Variants in MCOLN3 observed in about 807,000 individuals in gnomAD.
The protein encoded by MCOLN3 is mucolipin TRP cation channel 3.
MCOLN3 carries 62 observed loss-of-function variants against 69.4 expected under a neutral mutation model. The observed-to-expected ratio is 0.89, with a 90% CI of 0.73 to 1.10. The LOEUF (loss-of-function observed/expected upper bound fraction) is 1.10, where lower values mean the gene tolerates loss of function less well. MCOLN3 is among the 50% of genes least tolerant of loss of function. MCOLN3 has a pLI of 0.00. For missense variants in MCOLN3, 564 were observed against 656.4 expected, an observed-to-expected ratio of 0.86 and a Z score of 1.54; for synonymous variants, 183 against 217.0, an observed-to-expected ratio of 0.84 and a Z score of 1.38.
At chr1:85,040,117 C>CT (rs1374912290) in intron 3 of MCOLN3, among the ~76,000 whole-genome samples, 4 of 152,270 alleles carry the variant, frequency 2.6e-5, no homozygotes, top group African/African-American at 9.6e-5. Flanking sequence ...CTTCTTCCCC[C>CT]TACAAGCTGT....
At chr1:85,028,113 G>A (rs1478991138) in intron 7 of MCOLN3, among the ~76,000 whole-genome samples, 1 of 152,152 alleles carries the variant, frequency 6.6e-6, no homozygotes, top group African/African-American at 2.4e-5. Flanking sequence ...TGTTTGTGGA[G>A]AATGATTATA....
intron 3 of MCOLN3, among the ~76,000 whole-genome samples, chr1:85,040,337 T>C (rs1254730794): frequency 2.0e-5 from 3 of 152,226 alleles, no homozygotes; most frequent in Non-Finnish European, 4.4e-5. Context: ...AAAATTGTAA[T>C]AATTTTGAAA....
At chr1:85,033,936 T>C (rs1259944448) in intron 4 of MCOLN3, among the ~76,000 whole-genome samples, 162 bp downstream of exon 4, 2 of 152,188 alleles carry the variant, frequency 1.3e-5, no homozygotes, top group East Asian at 3.8e-4. Context: ...TGAGTTATAG[T>C]AAAGGGCTCA....
In MCOLN3 at chr1:85,034,117, G is replaced by A. The variant is rs770763920; in HGVS notation, c.531C>T (p.Ile177=). Residue 177 remains isoleucine, a synonymous_variant, in exon 4 of 13, where the codon ATC becomes ATT. Transcript: ENST00000370589. ...NIYPGNDTFD[I]DPEIETECFF... is the part of the protein sequence containing the mutation. ...CATCACCAGTTTCAATTTCTGGATC[G>A]ATGTCAAAGGTATCATTTCCAGGGT... 8.7e-6 allele frequency: 14 copies of A among 1,614,022 alleles called. No homozygotes were observed. Among genetic ancestry groups the A allele is most frequent in the East Asian group, 4.5e-5 (2 of 44,896 alleles).
intron 2 of MCOLN3, among the ~76,000 whole-genome samples, chr1:85,043,823 C>T (rs868188050): frequency 1.3e-5 from 2 of 151,616 alleles, no homozygotes; most frequent in South Asian, 2.1e-4. Flanking sequence ...TTGATATTGC[C>T]ACTGACTAGC....
rs1408683918 is a variant in MCOLN3 at position 85,048,447 on chromosome 1, A to C, written c.-54T>G. 3 of 152,010 alleles carry C rather than the reference A, an allele frequency of 2.0e-5. No individual in the cohort carries two copies. Among genetic ancestry groups the C allele is most frequent in the Admixed American group, 1.3e-4 (2 of 15,268 alleles). The allele number at this position is 152,010 out of a possible 1,614,324, so 9.4% of individuals were successfully genotyped here. A position where few individuals can be genotyped will look rare whatever the true frequency, so the allele number is the denominator to read the frequency against. On this transcript the variant is annotated 5_prime_UTR_variant, in exon 1 of 13. Coordinates refer to ENST00000370589, the MANE Select transcript of MCOLN3 (RefSeq NM_018298.11). ...GCTCCGGTGTCCGCGGCGAGGGCGCAGGGCGAGTCAGCGAGCGACTCCAGC... is the reference window on the plus strand; with the variant it reads ...GCTCCGGTGTCCGCGGCGAGGGCGCCGGGCGAGTCAGCGAGCGACTCCAGC...
chr1:85,031,900 G>A (rs949739759), intron 6 of MCOLN3, among the ~76,000 whole-genome samples: 25 of 118,014 alleles, frequency 2.1e-4, no homozygotes, highest in African/African-American at 5.3e-4. Flanking sequence ...GTGAAACCCC[G>A]TCTCTGCTAA....
In MCOLN3 at chr1:85,045,194, C is replaced by G. The variant is rs750842190; in HGVS notation, c.167G>C (p.Arg56Pro). 6.2e-7 allele frequency: 1 copy of G among 1,614,038 alleles called. No homozygotes were observed. The highest frequency in any genetic ancestry group is 1.7e-5 in the Admixed American group (1 of 60,018). The part of the protein sequence containing the change: ...FMNPCEKFWA[R>P]GRKPWKLAIQ... ...GGCAAGTTTCCATGGTTTTCTACCTCGAGCCCAGAACTTCTCACAGGGATT... is the reference window on the plus strand; with the variant it reads ...GGCAAGTTTCCATGGTTTTCTACCTGGAGCCCAGAACTTCTCACAGGGATT... The change falls in exon 2 of 13, where the codon CGA becomes CCA. Residue 56 changes from arginine (R) to proline (P), a missense_variant. By Grantham distance (103) the Arg-to-Pro change is moderately radical. Transcript: ENST00000370589.
chr1:85,037,933 C>A (rs1652874320), intron 3 of MCOLN3, among the ~76,000 whole-genome samples: 1 of 152,100 alleles, frequency 6.6e-6, no homozygotes, highest in Admixed American at 6.5e-5. Context: ...CCAGGTCAGC[C>A]TTTGAGTGGT....
chr1:85,041,022 G>A lies in MCOLN3; in HGVS notation c.384C>T (p.Phe128=), dbSNP rs765377765. Residue 128 remains phenylalanine (F), a synonymous_variant, in exon 3 of 13, where the codon TTC becomes TTT. Coordinates refer to ENST00000370589, the MANE Select transcript of MCOLN3 (RefSeq NM_018298.11). The part of the protein sequence containing the change: ...TQSDVYDQLI[F]AVNQYLQLYN... ...ACACTTGATTTACCTGGTTTACTGC[G>A]AAGATTAACTGATCATACACGTCAC... The A allele has an allele frequency of 1.4e-5, 23 of 1,612,814 alleles. No homozygotes were observed. Among genetic ancestry groups the A allele is most frequent in the Middle Eastern group, 1.7e-4 (1 of 6,022 alleles).
intron 12 of MCOLN3, among the ~76,000 whole-genome samples, chr1:85,020,159 T>A (rs1034723961): frequency 6.6e-6 from 1 of 152,196 alleles, no homozygotes; most frequent in Admixed American, 6.5e-5. Context: ...TCTTTCCCAG[T>A]TGCCTTGGTG....
chr1:85,022,114 A>T lies in MCOLN3; in HGVS notation c.1276T>A (p.Tyr426Asn). The change falls in exon 11 of 13, where the codon TAC (tyrosine) becomes AAC (asparagine). Residue 426 changes from tyrosine to asparagine, a missense_variant. Coordinates refer to ENST00000370589, the MANE Select transcript of MCOLN3 (RefSeq NM_018298.11). The part of the protein sequence containing the change: ...CCCAAMIYLG[Y>N]CFCGWIVLGP... ...AGCACGATCCATCCACAGAAGCAGT[A>T]ACCTAAGTAAATCATAGCTGCACAG... The T allele has an allele frequency of 6.2e-7, 1 of 1,614,192 alleles. No individual in the cohort carries two copies. The highest frequency in any genetic ancestry group is 8.5e-7 in the Non-Finnish European group (1 of 1,179,996).
Position 85,045,279 on chromosome 1 carries a change from G to C in MCOLN3, c.82C>G (p.Pro28Ala). 6.2e-7 allele frequency: 1 copy of C among 1,614,090 alleles called. No individual in the cohort carries two copies. Among genetic ancestry groups the C allele is most frequent in the Non-Finnish European group, 8.5e-7 (1 of 1,180,002 alleles). Reference sequence around the variant, plus strand: ...TCTTCTAATAGAAGCTCCTCAGATGGAGATGTTTGCTGGTTAAAATTGCAG... The same window carrying C: ...TCTTCTAATAGAAGCTCCTCAGATGCAGATGTTTGCTGGTTAAAATTGCAG... ...NRCNFNQQTS[P>A]SEELLLEDQM... Residue 28 changes from proline (P) to alanine (A), a missense_variant, in exon 2 of 13, where the codon CCA becomes GCA. By Grantham distance (27) the Pro-to-Ala change is conservative (BLOSUM62 -1). Transcript: ENST00000370589.
At chr1:85,032,267 T>C (rs1446782760) in intron 6 of MCOLN3, among the ~76,000 whole-genome samples, 2 of 152,184 alleles carry the variant, frequency 1.3e-5, no homozygotes, top group African/African-American at 2.4e-5. Flanking sequence ...GTTAAAGATG[T>C]ATACTACAAA....
intron 1 of MCOLN3, among the ~76,000 whole-genome samples, chr1:85,046,471 G>A (rs1457856738): frequency 1.3e-5 from 2 of 152,144 alleles, no homozygotes; most frequent in African/African-American, 4.8e-5. Flanking sequence ...CCTGTTCAAA[G>A]TAAAATACCC....
intron 2 of MCOLN3, 62 bp downstream of exon 2, chr1:85,045,071 G>T: frequency 7.6e-7 from 1 of 1,312,712 alleles, no homozygotes. Flanking sequence ...AAAAACCACT[G>T]TCCATAGTTA....
chr1:85,020,551 C>G (rs1047949213), intron 12 of MCOLN3, among the ~76,000 whole-genome samples: 1 of 152,212 alleles, frequency 6.6e-6, no homozygotes, highest in Admixed American at 6.5e-5. Flanking sequence ...CTGTATAAAG[C>G]TACATGCTAG....
intron 1 of MCOLN3, 59 bp from the exon 2 acceptor site, chr1:85,045,421 C>T (rs1271514212): frequency 7.4e-7 from 1 of 1,359,106 alleles, no homozygotes; most frequent in African/African-American, 1.5e-5. Context: ...AGTAAAGACA[C>T]AAGTCCATAT....
At chr1:85,029,434 G>A in intron 6 of MCOLN3, 1 of 393,968 alleles carries the variant, frequency 2.5e-6, no homozygotes, top group Non-Finnish European at 4.5e-6. Flanking sequence ...AACATTATAT[G>A]TCTAGGGCAG....
Sources: gnomAD v4.1 joint callset for allele counts (sites outside exome capture counted in the v4.1 genomes callset) on GRCh38, gnomAD v4.1.1 for gene constraint, MANE v1.5 for transcripts, NCBI Gene and HGNC (gene_info 2026-07-23, HGNC 2026-07-21) for gene names.